Variants in FOXN3 observed in about 807,000 individuals in gnomAD.
FOXN3 encodes the protein forkhead box protein N3.
FOXN3 carries 7 observed loss-of-function variants against 38.4 expected under a neutral mutation model. The ratio of observed to expected loss-of-function variants is 0.18; its 90% CI spans 0.10 to 0.34. The LOEUF (loss-of-function observed/expected upper bound fraction) is 0.34. Among genes scored for constraint, FOXN3 ranks in the 10% least tolerant of loss-of-function variants. FOXN3 has a pLI of 1.00. For missense variants in FOXN3, 456 were observed against 613.4 expected (o/e 0.74, Z 2.71); for synonymous variants, 230 against 242.2 (o/e 0.95, Z 0.47).
intron 1 of FOXN3, among the ~76,000 whole-genome samples, chr14:89,502,973 G>A (rs1176554344): frequency 6.6e-6 from 1 of 152,194 alleles, no homozygotes; most frequent in African/African-American, 2.4e-5. Flanking sequence ...TATGAGTTCT[G>A]AAGTGCTTGA....
chr14:89,488,399 A>G (rs1893496492), intron 1 of FOXN3, among the ~76,000 whole-genome samples: 1 of 151,982 alleles, frequency 6.6e-6, no homozygotes, highest in Non-Finnish European at 1.5e-5. Flanking sequence ...TAATCCCAGC[A>G]CTTTGGGAGG....
At chr14:89,435,303 T>A (rs1253001603) in intron 1 of FOXN3, among the ~76,000 whole-genome samples, 1 of 148,960 alleles carries the variant, frequency 6.7e-6, no homozygotes, top group Non-Finnish European at 1.5e-5. Flanking sequence ...GCCTGCGAGG[T>A]CAAGCCTTCA....
intron 2 of FOXN3, chr14:89,355,066 G>A (rs1889153865): frequency 6.6e-6 from 1 of 151,460 alleles, no homozygotes; most frequent in South Asian, 2.1e-4. Flanking sequence ...AATTATGGAT[G>A]AGCCCAAGTT....
intron 5 of FOXN3, among the ~76,000 whole-genome samples, chr14:89,176,315 G>A (rs1276481851): frequency 6.6e-6 from 1 of 152,200 alleles, no homozygotes; most frequent in Admixed American, 6.5e-5. Context: ...GTCAATAACA[G>A]TTTCAGAGTT....
intron 2 of FOXN3, among the ~76,000 whole-genome samples, chr14:89,369,673 C>T (rs1890259360): frequency 6.6e-6 from 1 of 152,204 alleles, no homozygotes; most frequent in South Asian, 2.1e-4. Flanking sequence ...AATGAGAGAG[C>T]TTGTGTAGGG....
intron 1 of FOXN3, among the ~76,000 whole-genome samples, chr14:89,588,536 ACAT>A (rs1895892324): frequency 6.6e-6 from 1 of 152,190 alleles, no homozygotes; most frequent in Admixed American, 6.5e-5. Flanking sequence ...CTCTAGGCTA[ACAT>A]CATGTTACGT....
chr14:89,201,805 C>T (rs182768890), intron 4 of FOXN3, among the ~76,000 whole-genome samples: 30 of 152,332 alleles, frequency 2.0e-4, no homozygotes, highest in Admixed American at 1.5e-3. Context: ...CCAGTTCCCA[C>T]GCCAGAAGCC....
intron 2 of FOXN3, chr14:89,356,581 G>GAGCT (rs1889235975): frequency 6.6e-6 from 1 of 152,174 alleles, no homozygotes; most frequent in South Asian, 2.1e-4. Context: ...ATGGAGTGGG[G>GAGCT]AGCTGGGTGT....
At chr14:89,602,718 G>C (rs1396778476) in intron 1 of FOXN3, among the ~76,000 whole-genome samples, 1 of 152,004 alleles carries the variant, frequency 6.6e-6, no homozygotes, top group Non-Finnish European at 1.5e-5. Context: ...GGCTGGTCTT[G>C]AACACCTGAC....
At chr14:89,336,867 T>C (rs1441794522) in intron 3 of FOXN3, among the ~76,000 whole-genome samples, 3 of 152,228 alleles carry the variant, frequency 2.0e-5, no homozygotes, top group African/African-American at 7.2e-5. Flanking sequence ...ATTAGAGAAA[T>C]TCAGGTTGGT....
chr14:89,533,978 C>T (rs747209742), intron 1 of FOXN3, among the ~76,000 whole-genome samples: 46 of 151,976 alleles, frequency 3.0e-4, no homozygotes, highest in Non-Finnish European at 6.3e-4. Context: ...TTTTCATTCC[C>T]CAAGAAGCCT....
At chr14:89,546,226 A>C (rs1894876801) in intron 1 of FOXN3, among the ~76,000 whole-genome samples, 1 of 151,748 alleles carries the variant, frequency 6.6e-6, no homozygotes. Flanking sequence ...TAAATAGCCT[A>C]GTAAATGGTT....
At chr14:89,288,906 C>G (rs573517712) in intron 3 of FOXN3, among the ~76,000 whole-genome samples, 1 of 151,306 alleles carries the variant, frequency 6.6e-6, no homozygotes, top group Admixed American at 6.6e-5. Flanking sequence ...AAACATGGGG[C>G]CGGGTGTGGT....
intron 5 of FOXN3, among the ~76,000 whole-genome samples, chr14:89,180,039 C>A (rs925081936): frequency 6.6e-6 from 1 of 152,176 alleles, no homozygotes; most frequent in Admixed American, 6.5e-5. Flanking sequence ...GGTGTAGAAG[C>A]AGCTGGCGGA....
rs568786978 is a variant in FOXN3 at position 89,260,557 on chromosome 14, A to G, written c.745+20393T>C. 2.0e-5 allele frequency among the ~76,000 whole-genome samples: 3 copies of G among 152,374 alleles called. No individual in the cohort carries two copies. In the East Asian group the frequency reaches 5.8e-4, roughly 29 times the overall value. On this transcript the variant is annotated intron_variant, in intron 4 of 5. Transcript: ENST00000557258. ...TGCAGCCCACTTTGTCCCCAGGGTC[A>G]TGTGTACGGCAATGGGCCTGATGGC...
At position 89,411,941 on chromosome 14, in the gene FOXN3, C is replaced by T; in HGVS notation, c.536G>A (p.Arg179Lys). The T allele has an allele frequency of 6.8e-7, 1 of 1,480,770 alleles. No individual in the cohort carries two copies. Among genetic ancestry groups the T allele is most frequent in the Non-Finnish European group, 9.0e-7 (1 of 1,106,656 alleles). 91.7% of individuals were successfully genotyped at this position (1,480,770 alleles called of 1,614,324 possible). A position where few individuals can be genotyped will look rare whatever the true frequency, so the allele number is the denominator to read the frequency against. Residue 179 changes from arginine (R) to lysine (K), a missense_variant, in exon 2 of 6, where the codon AGG becomes AAG. Physicochemically the swap from Arg to Lys is conservative, Grantham distance 26 (BLOSUM62 2). Transcript: ENST00000557258. ...NKCFKKVDKE[R>K]SQSIGKGSLW... Reference sequence around the variant, plus strand: ...CCAGACACAGAGGCTTACCTGACTCCTCTCTTTGTCCACTTTCTTAAAACA... The same window carrying T: ...CCAGACACAGAGGCTTACCTGACTCTTCTCTTTGTCCACTTTCTTAAAACA...
intron 1 of FOXN3, among the ~76,000 whole-genome samples, chr14:89,462,836 C>T (rs541819966): frequency 2.0e-5 from 3 of 151,852 alleles, no homozygotes; most frequent in South Asian, 2.1e-4. Context: ...AGGCGCCCGC[C>T]ACCACGCCCA....
chr14:89,347,883 G>C (rs965392514), intron 3 of FOXN3, among the ~76,000 whole-genome samples: 3 of 152,150 alleles, frequency 2.0e-5, no homozygotes, highest in Non-Finnish European at 4.4e-5. Context: ...GAACCCAGGA[G>C]GCGGAGGTTG....
intron 4 of FOXN3, among the ~76,000 whole-genome samples, chr14:89,195,387 G>A (rs1888071446): frequency 1.3e-5 from 2 of 152,220 alleles, no homozygotes; most frequent in Non-Finnish European, 2.9e-5. Context: ...CAAATTTTCT[G>A]TGGTCAAGAG....
Sources: gnomAD v4.1 joint callset for allele counts (sites outside exome capture counted in the v4.1 genomes callset) on GRCh38, gnomAD v4.1.1 for gene constraint, MANE v1.5 for transcripts, NCBI Gene and HGNC (gene_info 2026-07-23, HGNC 2026-07-21) for gene names.